ADAMTSL1: variants seen among roughly 807,000 people sequenced by gnomAD.
The protein encoded by ADAMTSL1 is ADAMTS-like protein 1.
ADAMTSL1 carries 126 observed loss-of-function variants against 201.8 expected under a neutral mutation model. The observed-to-expected ratio is 0.62, with a 90% CI of 0.54 to 0.72. The LOEUF (loss-of-function observed/expected upper bound fraction) is 0.72, where lower values mean the gene tolerates loss of function less well. ADAMTSL1 is among the 30% of genes least tolerant of loss of function. ADAMTSL1 has a pLI of 0.00. For synonymous variants in ADAMTSL1, 1,121 were observed against 903.4 expected (o/e 1.24, Z -4.32); for missense variants, 2,679 against 2,277.8 (o/e 1.18, Z -3.59).
At chr9:18,582,910 A>AAATAG (rs1564067355) in intron 4 of ADAMTSL1, among the ~76,000 whole-genome samples, 8 of 152,056 alleles carry the variant, frequency 5.3e-5, no homozygotes, top group African/African-American at 1.9e-4. Context: ...AAATAAAATA[A>AAATAG]AAAGGGGAGT....
chr9:18,496,506 G>T (rs1822542184), intron 1 of ADAMTSL1, among the ~76,000 whole-genome samples: 1 of 152,128 alleles, frequency 6.6e-6, no homozygotes, highest in Non-Finnish European at 1.5e-5. Context: ...TGGCTCACAT[G>T]GCACAATAGT....
rs906220487 is a variant in ADAMTSL1 at position 17,928,739 on chromosome 9, A to G, written c.87+21817A>G. Among the ~76,000 whole-genome samples the G allele has an allele frequency of 6.9e-4, 105 of 152,286 alleles. 1 individual carries two copies. The highest frequency in any genetic ancestry group is 2.5e-3 in the African/African-American group (103 of 41,580). On this transcript the variant is annotated intron_variant, in intron 1 of 29. Transcript: ENST00000680146. Reference sequence around the variant, plus strand: ...AGCCTGGGTGACAGAGCAAGATCCTATCTCTAACAAGAACAAGCAAATAAA... The same window carrying G: ...AGCCTGGGTGACAGAGCAAGATCCTGTCTCTAACAAGAACAAGCAAATAAA...
intron 2 of ADAMTSL1, among the ~76,000 whole-genome samples, chr9:18,398,550 G>A (rs1262759931): frequency 6.6e-6 from 1 of 152,110 alleles, no homozygotes; most frequent in Non-Finnish European, 1.5e-5. Context: ...CCTGGGATAA[G>A]GAGATTTAAC....
intron 2 of ADAMTSL1, among the ~76,000 whole-genome samples, chr9:18,411,524 C>T (rs1327540295): frequency 1.3e-5 from 2 of 152,076 alleles, no homozygotes; most frequent in African/African-American, 4.8e-5. Context: ...CTATGTGAAA[C>T]AGACCTTAAA....
chr9:18,583,933 G>A (rs563456447), intron 4 of ADAMTSL1, among the ~76,000 whole-genome samples: 7 of 152,256 alleles, frequency 4.6e-5, no homozygotes, highest in South Asian at 2.1e-4. Context: ...AATAACTAAC[G>A]TGCTTTTGAT....
intron 1 of ADAMTSL1, among the ~76,000 whole-genome samples, chr9:18,094,532 C>T (rs1451187852): frequency 6.6e-6 from 1 of 152,202 alleles, no homozygotes; most frequent in East Asian, 1.9e-4. Flanking sequence ...TGTGCCTGGC[C>T]CTCTGATTTC....
chr9:18,520,342 T>A (rs1818618847), intron 2 of ADAMTSL1, among the ~76,000 whole-genome samples: 1 of 152,234 alleles, frequency 6.6e-6, no homozygotes, highest in South Asian at 2.1e-4. Flanking sequence ...CCACAATAAG[T>A]TTTAGTAACT....
chr9:18,667,318 G>A (rs570373918), intron 9 of ADAMTSL1, among the ~76,000 whole-genome samples: 12 of 150,938 alleles, frequency 8.0e-5, no homozygotes, highest in African/African-American at 2.9e-4. Flanking sequence ...ATGCAACTAT[G>A]AAGAAATACC....
intron 2 of ADAMTSL1, among the ~76,000 whole-genome samples, chr9:18,299,885 T>C (rs967625684): frequency 6.6e-6 from 1 of 152,212 alleles, no homozygotes; most frequent in Non-Finnish European, 1.5e-5. Flanking sequence ...GATCCTAAAG[T>C]ATTTCAAAGA....
chr9:18,695,114 G>C (rs550101105), intron 13 of ADAMTSL1, among the ~76,000 whole-genome samples: 1 of 152,194 alleles, frequency 6.6e-6, no homozygotes, highest in Admixed American at 6.5e-5. Flanking sequence ...GGTTGTGCAG[G>C]GCAGTGGAGC....
chr9:18,002,186 A>G (rs1185153702), intron 1 of ADAMTSL1, among the ~76,000 whole-genome samples: 1 of 152,094 alleles, frequency 6.6e-6, no homozygotes, highest in African/African-American at 2.4e-5. Flanking sequence ...AGATCAGAAC[A>G]TAAGAATAGG....
At chr9:18,005,742 A>C (rs976416244) in intron 1 of ADAMTSL1, among the ~76,000 whole-genome samples, 47 of 152,168 alleles carry the variant, frequency 3.1e-4, no homozygotes, top group African/African-American at 1.0e-3. Flanking sequence ...TGCTAGAGGC[A>C]GAACAGTCTT....
intron 4 of ADAMTSL1, among the ~76,000 whole-genome samples, chr9:18,594,397 A>G (rs187524135): frequency 9.9e-5 from 15 of 152,042 alleles, no homozygotes; most frequent in African/African-American, 3.6e-4. Flanking sequence ...TTCTGTTACT[A>G]CTTTTTTGAA....
chr9:18,904,694 C>G (rs7861391), intron 26 of ADAMTSL1, among the ~76,000 whole-genome samples: 1 of 48,674 alleles, frequency 2.1e-5, no homozygotes, highest in African/African-American at 7.9e-5. Context: ...GTGTATTTTA[C>G]GATTTAAAAA....
chr9:18,523,439 A>G (rs919525423), intron 2 of ADAMTSL1, among the ~76,000 whole-genome samples: 1 of 152,200 alleles, frequency 6.6e-6, no homozygotes. Context: ...GAAGCTCTTT[A>G]GTTTAATTAG....
intron 14 of ADAMTSL1, among the ~76,000 whole-genome samples, chr9:18,714,232 CAAGA>C (rs1215595412): frequency 6.6e-6 from 1 of 150,710 alleles, no homozygotes; most frequent in African/African-American, 2.4e-5. Flanking sequence ...TAGCAGAAGG[CAAGA>C]AATAACTAAA....
intron 1 of ADAMTSL1, among the ~76,000 whole-genome samples, chr9:17,966,415 C>G (rs1055587578): frequency 6.6e-6 from 1 of 152,162 alleles, no homozygotes; most frequent in Non-Finnish European, 1.5e-5. Flanking sequence ...CAGGACTTTG[C>G]TACGCACTCA....
chr9:18,589,281 A>G (rs11532901), intron 4 of ADAMTSL1, among the ~76,000 whole-genome samples: 49,716 of 152,006 alleles, frequency 0.33, 8,492 homozygotes, highest in East Asian at 0.53. Flanking sequence ...TTACTTATAC[A>G]GATCTCTCAC....
At chr9:18,154,562 C>A (rs545695566) in intron 1 of ADAMTSL1, among the ~76,000 whole-genome samples, 6 of 152,046 alleles carry the variant, frequency 3.9e-5, no homozygotes, top group African/African-American at 1.2e-4. Flanking sequence ...GCTTTCCTGT[C>A]CATATGAAGA....
Sources: allele counts gnomAD v4.1 joint callset (sites outside exome capture counted in the v4.1 genomes callset), GRCh38; gene constraint gnomAD v4.1.1; transcripts MANE v1.5; gene names NCBI Gene and HGNC (gene_info 2026-07-23, HGNC 2026-07-21).